The following SLC22A4 variants were observed in gnomAD, a reference collection of about 807,000 sequenced individuals.
SLC22A4 encodes ET transporter.
A neutral mutation model predicts 56.6 loss-of-function variants in SLC22A4; 39 were observed. That is an observed-to-expected ratio of 0.69 (90% CI 0.53 to 0.90). SLC22A4 has a LOEUF of 0.90. Among genes scored for constraint, SLC22A4 ranks in the 40% least tolerant of loss-of-function variants. The pLI, the probability that SLC22A4 is intolerant of heterozygous loss-of-function variation, is 0.00. For missense variants in SLC22A4, 594 were observed against 696.5 expected (o/e 0.85, Z 1.66); for synonymous variants, 241 against 281.4 (o/e 0.86, Z 1.44).
intron 1 of SLC22A4, among the ~76,000 whole-genome samples, chr5:132,301,456 G>A (rs1749905200): frequency 1.3e-5 from 2 of 152,214 alleles, no homozygotes; most frequent in Non-Finnish European, 2.9e-5. Flanking sequence ...GGAGCTGCTG[G>A]TAGCCCACTG....
intron 3 of SLC22A4, among the ~76,000 whole-genome samples, chr5:132,314,457 T>A (rs893446169): frequency 1.1e-4 from 17 of 151,822 alleles, no homozygotes; most frequent in African/African-American, 4.1e-4. Flanking sequence ...TCCACAGGAG[T>A]GAGAGAGTGT....
At chr5:132,305,317 A>G (rs1370702539) in intron 1 of SLC22A4, among the ~76,000 whole-genome samples, 1 of 152,218 alleles carries the variant, frequency 6.6e-6, no homozygotes, top group East Asian at 1.9e-4. Flanking sequence ...CAATATATGC[A>G]TAATAGAATT....
chr5:132,328,475 T>C (rs1750744541), intron 5 of SLC22A4, among the ~76,000 whole-genome samples: 1 of 152,158 alleles, frequency 6.6e-6, no homozygotes, highest in Non-Finnish European at 1.5e-5. Flanking sequence ...AGACTGGCCA[T>C]GAACTCAAGC....
intron 8 of SLC22A4, among the ~76,000 whole-genome samples, chr5:132,339,652 G>A (rs1463411221): frequency 6.6e-6 from 1 of 152,050 alleles, no homozygotes; most frequent in Admixed American, 6.6e-5. Flanking sequence ...TTTTCCCTTT[G>A]TCCTTCCCTG....
chr5:132,333,413 G>A (rs1329839613), intron 6 of SLC22A4, among the ~76,000 whole-genome samples: 3 of 152,224 alleles, frequency 2.0e-5, no homozygotes, highest in Admixed American at 6.5e-5. Context: ...GGGAGGACGC[G>A]AGCAGGTGAG....
chr5:132,337,248 C>A (rs1299440333), intron 8 of SLC22A4, among the ~76,000 whole-genome samples: 5 of 149,378 alleles, frequency 3.3e-5, no homozygotes, highest in Non-Finnish European at 7.4e-5. Flanking sequence ...TTTCAATAAT[C>A]TCACCAACAA....
intron 3 of SLC22A4, among the ~76,000 whole-genome samples, chr5:132,319,394 T>C (rs1289665768): frequency 6.6e-6 from 1 of 152,000 alleles, no homozygotes; most frequent in Non-Finnish European, 1.5e-5. Context: ...TACTGGACTC[T>C]CAGTTGAAGA....
intron 6 of SLC22A4, chr5:132,332,072 G>C: frequency 6.1e-6 from 3 of 490,698 alleles, no homozygotes. Flanking sequence ...CCAGCACTTT[G>C]GGAGGCCAAG....
At chr5:132,307,827 A>C (rs1199081508) in intron 1 of SLC22A4, among the ~76,000 whole-genome samples, 1 of 152,104 alleles carries the variant, frequency 6.6e-6, no homozygotes, top group Non-Finnish European at 1.5e-5. Flanking sequence ...CGTGCAGGTC[A>C]GACGGGGTTC....
intron 4 of SLC22A4, 121 bp downstream of exon 4, chr5:132,322,476 A>G: frequency 2.1e-6 from 2 of 950,572 alleles, no homozygotes; most frequent in Non-Finnish European, 3.3e-6. Context: ...CGCGGAGGCC[A>G]GCTTCCAAGC....
chr5:132,331,983 A>G, intron 6 of SLC22A4, 133 bp downstream of exon 6: 1 of 707,462 alleles, frequency 1.4e-6, no homozygotes, highest in Non-Finnish European at 2.6e-6. Flanking sequence ...ATTCTAAATT[A>G]TTTTGAAATG....
Position 132,322,223 on chromosome 5 carries a change from C to G in SLC22A4, c.692C>G (p.Ser231Cys). The G allele has an allele frequency of 1.2e-6, 2 of 1,613,908 alleles. No individual in the cohort carries two copies. The highest frequency in any genetic ancestry group is 1.7e-6 in the Non-Finnish European group (2 of 1,179,880). Reference protein sequence around the residue: ...ILGKSVRIIFSTLGVCTFFAV... With the variant: ...ILGKSVRIIFCTLGVCTFFAV... ...GGCAAGTCAGTTCGTATTATATTCT[C>G]TACATTAGGAGTGTGCACATTTTTT... The change falls in exon 4 of 10, where the codon TCT (serine) becomes TGT (cysteine). Residue 231 changes from serine (S) to cysteine (C), a missense_variant. Physicochemically the swap from Ser to Cys is moderately radical, Grantham distance 112. Transcript: ENST00000200652.
chr5:132,339,475 TACACACACACAC>T (rs58759726), intron 8 of SLC22A4, among the ~76,000 whole-genome samples: 18 of 146,636 alleles, frequency 1.2e-4, no homozygotes, highest in Non-Finnish European at 1.9e-4. Flanking sequence ...GGTACACACG[TACACACACACAC>T]ACACACACAC....
rs536974936 is a variant in SLC22A4, at chr5:132,341,961, A to G, written c.1580+1261A>G. Among the ~76,000 whole-genome samples, 20 of 152,268 alleles carry G rather than the reference A, an allele frequency of 1.3e-4. No individual in the cohort carries two copies. The East Asian group carries it at 3.9e-3, about 29-fold the overall frequency. ...GACTCCGTCTCCAAAAAAAAAACAC[A>G]TCAAGATAAAATCCAGACAGTTAAA... is the stretch of plus-strand genomic sequence containing the variant. On this transcript the variant is annotated intron_variant, in intron 9 of 9. Transcript: ENST00000200652.
intron 9 of SLC22A4, among the ~76,000 whole-genome samples, chr5:132,342,157 C>T (rs1751238216): frequency 6.6e-6 from 1 of 152,000 alleles, no homozygotes; most frequent in Non-Finnish European, 1.5e-5. Flanking sequence ...AAAAAGAAAC[C>T]ACCCACAAAG....
At chr5:132,327,178 G>A (rs560915411) in intron 4 of SLC22A4, 99 bp from the exon 5 acceptor site, 26 of 1,003,278 alleles carry the variant, frequency 2.6e-5, no homozygotes, top group African/African-American at 2.5e-4. Context: ...AGACAAACTA[G>A]AATTTTACAA....
intron 1 of SLC22A4, among the ~76,000 whole-genome samples, chr5:132,309,398 C>T (rs1336363782): frequency 6.6e-6 from 1 of 152,238 alleles, no homozygotes; most frequent in East Asian, 1.9e-4. Context: ...CCCTCATGGG[C>T]TTGGGGCAAA....
At chr5:132,311,893 G>A (rs952201169) in intron 1 of SLC22A4, 6 of 543,094 alleles carry the variant, frequency 1.1e-5, no homozygotes, top group African/African-American at 5.7e-5. Context: ...TATGTAATGC[G>A]AGCGGAGTAG....
At chr5:132,335,345 T>C (rs1750989220) in intron 7 of SLC22A4, among the ~76,000 whole-genome samples, 1 of 152,234 alleles carries the variant, frequency 6.6e-6, no homozygotes, top group Admixed American at 6.5e-5. Context: ...CTTTAAGTAG[T>C]TAAATAGCAC....
Sources: allele counts gnomAD v4.1 joint callset (sites outside exome capture counted in the v4.1 genomes callset), GRCh38; gene constraint gnomAD v4.1.1; transcripts MANE v1.5; gene names NCBI Gene and HGNC (gene_info 2026-07-23, HGNC 2026-07-21).